Variants in MIXL1 observed in about 807,000 individuals in gnomAD.
MIXL1 encodes the protein homeobox protein MIXL1.
In MIXL1, 9 loss-of-function variants were observed where a neutral mutation model predicts 9.3. The ratio of observed to expected loss-of-function variants is 0.97; its 90% CI spans 0.58 to 1.69. The LOEUF is 1.69. MIXL1 is among the 40% of genes most tolerant of loss of function. The probability of loss-of-function intolerance (pLI) is 0.00; values close to 1 mark genes in which losing one functional copy is unlikely to be tolerated. For missense variants in MIXL1, 330 were observed against 331.7 expected, an observed-to-expected ratio of 0.99 and a Z score of 0.04; for synonymous variants, 164 against 155.6, an observed-to-expected ratio of 1.05 and a Z score of -0.40.
intron 1 of MIXL1, 103 bp from the exon 2 acceptor site, chr1:226,225,404 G>A: frequency 7.5e-7 from 1 of 1,327,586 alleles, no homozygotes. Flanking sequence ...TGGAGAGGAA[G>A]CCAGGGGATG....
chr1:226,224,118 GCTGCGGACTCTAGGTCTGGA>G (rs746518591), intron 1 of MIXL1, 44 bp downstream of exon 1: 3 of 1,256,062 alleles, frequency 2.4e-6, no homozygotes, highest in South Asian at 3.5e-5. Context: ...GAGCGGAGGC[GCTGCGGACTCTAGGTCTGGA>G]CTGCGGGCTC....
chr1:226,225,217 A>T (rs1276654082), intron 1 of MIXL1, among the ~76,000 whole-genome samples: 2 of 152,148 alleles, frequency 1.3e-5, no homozygotes, highest in Non-Finnish European at 2.9e-5. Context: ...GTTTTTTTCT[A>T]AGAATTCTAA....
At position 226,226,828 on chromosome 1, in the gene MIXL1, C is replaced by T. The variant is rs1657174942; in HGVS notation, c.*1016C>T. On this transcript the variant is annotated 3_prime_UTR_variant, in exon 2 of 2. Transcript: ENST00000366810. ...TATGCAAATCTGAAGGTCAACTATC[C>T]ACAATATATGCTTTGGTCTTAAAGT... is the stretch of plus-strand genomic sequence containing the variant. 1 of 152,106 alleles carries T rather than the reference C, an allele frequency of 6.6e-6. No individual in the cohort carries two copies. The highest frequency in any genetic ancestry group is 6.6e-5 in the Admixed American group (1 of 15,252). 9.4% of individuals were successfully genotyped at this position (152,106 alleles called of 1,614,324 possible). A position where few individuals can be genotyped will look rare whatever the true frequency, so the allele number is the denominator to read the frequency against.
chr1:226,225,285 T>C (rs1050730485), intron 1 of MIXL1, among the ~76,000 whole-genome samples: 4 of 152,172 alleles, frequency 2.6e-5, no homozygotes, highest in Non-Finnish European at 5.9e-5. Flanking sequence ...AAAGAGTAGA[T>C]AGAACTAGGC....
Position 226,226,778 on chromosome 1 carries a change from T to TA in MIXL1, c.*967dup, listed in dbSNP as rs1222704361. On this transcript the variant is annotated 3_prime_UTR_variant, in exon 2 of 2. Transcript: ENST00000366810. ...TTCAGTTACCCTCCCAGATAACTGA[T>TA]ATCATCCTTAGCCTGCAGGACAGCT... 1 of 151,882 alleles carries TA rather than the reference T, an allele frequency of 6.6e-6. No individual in the cohort carries two copies. Among genetic ancestry groups the TA allele is most frequent in the Non-Finnish European group, 1.5e-5 (1 of 67,990 alleles). The allele number at this position is 151,882 out of a possible 1,614,324, so 9.4% of individuals were successfully genotyped here. A position where few individuals can be genotyped will look rare whatever the true frequency, so the allele number is the denominator to read the frequency against.
In MIXL1 at chr1:226,225,912, C is replaced by T; in HGVS notation, c.*100C>T. On this transcript the variant is annotated 3_prime_UTR_variant, in exon 2 of 2. Transcript: ENST00000366810. ...TCCTTTCTGACTTCCATGCTAAGGA[C>T]ATGTCCTTGTTAACCTTGATGATGG... 3.1e-6 allele frequency: 3 copies of T among 981,424 alleles called. No homozygotes were observed. Among genetic ancestry groups the T allele is most frequent in the Non-Finnish European group, 4.6e-6 (3 of 656,068 alleles). The allele number at this position is 981,424 out of a possible 1,614,324, so 60.8% of individuals were successfully genotyped here.
At position 226,225,577 on chromosome 1, in the gene MIXL1, C is replaced by G. The variant is rs758195446; in HGVS notation, c.464C>G (p.Pro155Arg). Residue 155 changes from proline (P) to arginine (R), a missense_variant, in exon 2 of 2, where the codon CCG becomes CGG. Transcript: ENST00000366810. ...SGKSFQPLAR[P>R]EIILNHCAPG... ...AAATCCTTCCAACCTTTGGCTAGGC[C>G]GGAGATTATCCTCAACCACTGTGCT... is the stretch of plus-strand genomic sequence containing the variant. 6.2e-7 allele frequency: 1 copy of G among 1,614,206 alleles called. No individual in the cohort carries two copies. The highest frequency in any genetic ancestry group is 8.5e-7 in the Non-Finnish European group (1 of 1,180,050).
rs918111906 is a variant in MIXL1, at chr1:226,226,254, C to A, written c.*442C>A. 1 of 157,270 alleles carries A rather than the reference C, an allele frequency of 6.4e-6. No homozygotes were observed. The highest frequency in any genetic ancestry group is 2.4e-5 in the African/African-American group (1 of 41,474). The allele number at this position is 157,270 out of a possible 1,614,324, so 9.7% of individuals were successfully genotyped here. On this transcript the variant is annotated 3_prime_UTR_variant, in exon 2 of 2. Transcript: ENST00000366810. ...AAGTCACTCTACCCCGTCTCTTCAA[C>A]CCTCATCCTAGGTTTATTACTTTTT...
chr1:226,225,636 C>G lies in MIXL1; in HGVS notation c.523C>G (p.Leu175Val). Residue 175 changes from leucine to valine, a missense_variant, in exon 2 of 2, where the codon CTG (leucine) becomes GTG (valine). Physicochemically the swap from Leu to Val is conservative, Grantham distance 32. Transcript: ENST00000366810. ...TGAAACGAAATGTCTGAAGCCCCAG[C>G]TGCCTCTTGAGGTAGATGTGAACTG... Reference protein sequence around the residue: ...GTETKCLKPQLPLEVDVNCLP... With the variant: ...GTETKCLKPQVPLEVDVNCLP... The G allele has an allele frequency of 1.2e-6, 2 of 1,614,220 alleles. No individual in the cohort carries two copies. Among genetic ancestry groups the G allele is most frequent in the Non-Finnish European group, 1.7e-6 (2 of 1,180,048 alleles).
rs375201314 is a variant in MIXL1 at position 226,225,677 on chromosome 1, C to T, written c.564C>T (p.Asn188=). The change falls in exon 2 of 2, where the codon AAC becomes AAT. Residue 188 remains asparagine (N), a synonymous_variant. Coordinates refer to ENST00000366810, the MANE Select transcript of MIXL1 (RefSeq NM_031944.3). ...EVDVNCLPEP[N]GVGGGISDSS... is the part of the protein sequence containing the mutation. ...ATGTGAACTGCCTGCCCGAACCAAA[C>T]GGGGTTGGAGGGGGCATCTCTGACT... The T allele has an allele frequency of 1.8e-5, 29 of 1,614,158 alleles. No individual in the cohort carries two copies. The highest frequency in any genetic ancestry group is 2.2e-5 in the Non-Finnish European group (26 of 1,180,024).
rs1657154174 is a variant in MIXL1 at position 226,226,095 on chromosome 1, GC to G, written c.*285del. The G allele has an allele frequency of 3.3e-6, 1 of 299,316 alleles. No individual in the cohort carries two copies. Among genetic ancestry groups the G allele is most frequent in the Non-Finnish European group, 6.2e-6 (1 of 161,508 alleles). 18.5% of individuals were successfully genotyped at this position (299,316 alleles called of 1,614,324 possible). ...CTGCATCCCTATGCCTTCTTGCCAGGCCTGTTTTTAGTTTTTGGACTGGTTG... is the reference window on the plus strand; with the variant it reads ...CTGCATCCCTATGCCTTCTTGCCAGGCTGTTTTTAGTTTTTGGACTGGTTG... On this transcript the variant is annotated 3_prime_UTR_variant, in exon 2 of 2. Transcript: ENST00000366810.
Position 226,226,013 on chromosome 1 carries a change from A to C in MIXL1, c.*201A>C. On this transcript the variant is annotated 3_prime_UTR_variant, in exon 2 of 2. Coordinates refer to ENST00000366810, the MANE Select transcript of MIXL1 (RefSeq NM_031944.3). ...CGTTTTAAGCCCACACTCCCACCCC[A>C]GAGTTCCCGCATTCGTTTTTACCTG... The C allele has an allele frequency of 1.8e-6, 1 of 570,794 alleles. No individual in the cohort carries two copies. Among genetic ancestry groups the C allele is most frequent in the Non-Finnish European group, 3.1e-6 (1 of 321,364 alleles). The allele number at this position is 570,794 out of a possible 1,614,324, so 35.4% of individuals were successfully genotyped here.
intron 1 of MIXL1, among the ~76,000 whole-genome samples, chr1:226,224,992 T>G (rs1657125788): frequency 6.6e-6 from 1 of 152,150 alleles, no homozygotes; most frequent in African/African-American, 2.4e-5. Context: ...GAAGCCTGCC[T>G]TTTTGTCTGT....
In MIXL1 at chr1:226,223,775, C is replaced by T. The variant is rs919398025; in HGVS notation, c.94C>T (p.Pro32Ser). 2.2e-6 allele frequency: 3 copies of T among 1,394,140 alleles called. No homozygotes were observed. Among genetic ancestry groups the T allele is most frequent in the South Asian group, 1.5e-5 (1 of 66,078 alleles). 86.4% of individuals were successfully genotyped at this position (1,394,140 alleles called of 1,614,324 possible). ...CCACGCCGGCGGGGCGCTCCTGCCGCCCCCGAGCCCTGCGGCAGCCCTGCT... is the reference window on the plus strand; with the variant it reads ...CCACGCCGGCGGGGCGCTCCTGCCGTCCCCGAGCCCTGCGGCAGCCCTGCT... ...APHAGGALLP[P>S]PSPAAALLPA... The change falls in exon 1 of 2, where the codon CCC becomes TCC. Residue 32 changes from proline (P) to serine (S), a missense_variant. Physicochemically the swap from Pro to Ser is moderately conservative, Grantham distance 74. Transcript: ENST00000366810.
chr1:226,224,471 T>C (rs1217279092), intron 1 of MIXL1, among the ~76,000 whole-genome samples: 1 of 152,164 alleles, frequency 6.6e-6, no homozygotes, highest in African/African-American at 2.4e-5. Context: ...GAATGGTAGC[T>C]GAAAACGGGG....
rs1201011227 is a variant in MIXL1, at chr1:226,226,670, C to T, written c.*858C>T. 1.3e-5 allele frequency: 1 copy of T among 76,714 alleles called. No individual in the cohort carries two copies. The highest frequency in any genetic ancestry group is 6.0e-5 in the African/African-American group (1 of 16,716). 4.8% of individuals were successfully genotyped at this position (76,714 alleles called of 1,614,324 possible). A position where few individuals can be genotyped will look rare whatever the true frequency, so the allele number is the denominator to read the frequency against. ...CTTCAGCCTGGGAGACAGAGGGAGG[C>T]TCTCAAAAAAAAAAAAAAAAAAAAA... is the stretch of plus-strand genomic sequence containing the variant. On this transcript the variant is annotated 3_prime_UTR_variant, in exon 2 of 2. Transcript: ENST00000366810.
In MIXL1 at chr1:226,223,780, G is replaced by A. The variant is rs1232511200; in HGVS notation, c.99G>A (p.Pro33=). 1 of 1,390,718 alleles carries A rather than the reference G, an allele frequency of 7.2e-7. No individual in the cohort carries two copies. The highest frequency in any genetic ancestry group is 9.3e-7 in the Non-Finnish European group (1 of 1,074,702). 86.1% of individuals were successfully genotyped at this position (1,390,718 alleles called of 1,614,324 possible). A position where few individuals can be genotyped will look rare whatever the true frequency, so the allele number is the denominator to read the frequency against. The change falls in exon 1 of 2, where the codon CCG becomes CCA. Residue 33 remains proline, a synonymous_variant. Coordinates refer to ENST00000366810, the MANE Select transcript of MIXL1 (RefSeq NM_031944.3). ...CCGGCGGGGCGCTCCTGCCGCCCCC[G>A]AGCCCTGCGGCAGCCCTGCTCCCTG... ...PHAGGALLPP[P]SPAAALLPAP... is the part of the protein sequence containing the mutation.
At chr1:226,225,440 CTG>C in intron 1 of MIXL1, 65 bp from the exon 2 acceptor site, 14 of 1,551,114 alleles carry the variant, frequency 9.0e-6, no homozygotes, top group Non-Finnish European at 1.1e-5. Context: ...CCAGTATGAA[CTG>C]TGAACATAAT....
Position 226,223,799 on chromosome 1 carries a change from C to G in MIXL1, c.118C>G (p.Leu40Val). 8.0e-7 allele frequency: 1 copy of G among 1,245,340 alleles called. No individual in the cohort carries two copies. The highest frequency in any genetic ancestry group is 3.0e-5 in the South Asian group (1 of 32,842). 77.1% of individuals were successfully genotyped at this position (1,245,340 alleles called of 1,614,324 possible). A position where few individuals can be genotyped will look rare whatever the true frequency, so the allele number is the denominator to read the frequency against. The change falls in exon 1 of 2, where the codon CTC becomes GTC. Residue 40 changes from leucine to valine, a missense_variant. Transcript: ENST00000366810. ...LPPPSPAAAL[L>V]PAPPAGPGPA... ...GCCCCCGAGCCCTGCGGCAGCCCTGCTCCCTGCGCCGCCCGCGGGCCCCGG... is the reference window on the plus strand; with the variant it reads ...GCCCCCGAGCCCTGCGGCAGCCCTGGTCCCTGCGCCGCCCGCGGGCCCCGG...
Sources: allele counts gnomAD v4.1 joint callset (sites outside exome capture counted in the v4.1 genomes callset), GRCh38; gene constraint gnomAD v4.1.1; transcripts MANE v1.5; gene names NCBI Gene and HGNC (gene_info 2026-07-23, HGNC 2026-07-21).